Variants in ALKBH5 observed in about 807,000 individuals in gnomAD.
ALKBH5 encodes alkB homolog 5, RNA demethylase.
A neutral mutation model predicts 32.1 loss-of-function variants in ALKBH5; 2 were observed. The ratio of observed to expected loss-of-function variants is 0.06; its 90% CI spans 0.03 to 0.20. ALKBH5 has a LOEUF of 0.20. Ranked by LOEUF, ALKBH5 falls within the 10% of genes least tolerant of loss-of-function variation. The pLI is 1.00. For synonymous variants in ALKBH5, 300 were observed against 231.7 expected (o/e 1.29, Z -2.68); for missense variants, 352 against 559.5 (o/e 0.63, Z 3.74).
chr17:18,204,588 G>A (rs2047259100), intron 2 of ALKBH5, among the ~76,000 whole-genome samples: 1 of 152,118 alleles, frequency 6.6e-6, no homozygotes, highest in African/African-American at 2.4e-5. Flanking sequence ...ATGGTGAAAT[G>A]CTGTCTCTAC....
At chr17:18,194,057 C>G (rs551833042) in intron 1 of ALKBH5, among the ~76,000 whole-genome samples, 3 of 146,526 alleles carry the variant, frequency 2.0e-5, no homozygotes. Flanking sequence ...CATCTACCCA[C>G]ATTAGTTGGT....
chr17:18,185,688 C>G (rs939025976), intron 1 of ALKBH5, among the ~76,000 whole-genome samples: 1 of 152,208 alleles, frequency 6.6e-6, no homozygotes, highest in Non-Finnish European at 1.5e-5. Context: ...TACAGCTGGT[C>G]TCTTGACTGT....
intron 1 of ALKBH5, 124 bp downstream of exon 1, chr17:18,185,137 A>G (rs972671010): frequency 6.8e-7 from 1 of 1,463,778 alleles, no homozygotes; most frequent in African/African-American, 1.4e-5. Flanking sequence ...TTCTGTTTGT[A>G]GATTGTAGGG....
chr17:18,192,530 G>C (rs974046462), intron 1 of ALKBH5, among the ~76,000 whole-genome samples: 5 of 152,164 alleles, frequency 3.3e-5, no homozygotes. Flanking sequence ...AGAACCTACT[G>C]TTCTCCTTAT....
chr17:18,187,868 C>G (rs1175345954), intron 1 of ALKBH5, among the ~76,000 whole-genome samples: 1 of 152,154 alleles, frequency 6.6e-6, no homozygotes, highest in African/African-American at 2.4e-5. Context: ...TAGTAGGCAT[C>G]TTAGACTTCA....
intron 2 of ALKBH5, among the ~76,000 whole-genome samples, chr17:18,201,838 TGA>T (rs2047242560): frequency 9.4e-6 from 1 of 106,292 alleles, no homozygotes; most frequent in African/African-American, 3.3e-5. Context: ...GATAGATAGA[TGA>T]TAGATAGATT....
intron 2 of ALKBH5, among the ~76,000 whole-genome samples, chr17:18,196,381 C>A (rs1382322334): frequency 6.6e-6 from 1 of 152,162 alleles, no homozygotes; most frequent in African/African-American, 2.4e-5. Flanking sequence ...GCCACAACAC[C>A]CAGCTAACTT....
chr17:18,207,792 TGAGATACAAAA>T (rs2047278188), intron 3 of ALKBH5, among the ~76,000 whole-genome samples: 1 of 152,098 alleles, frequency 6.6e-6, no homozygotes, highest in African/African-American at 2.4e-5. Context: ...AGCTAAACCC[TGAGATACAAAA>T]GAGCTTTGTG....
intron 1 of ALKBH5, among the ~76,000 whole-genome samples, chr17:18,185,781 T>G (rs1484250578): frequency 6.6e-6 from 1 of 152,234 alleles, no homozygotes; most frequent in Non-Finnish European, 1.5e-5. Context: ...ATTAGCTCAG[T>G]GCCCTGGCCC....
At chr17:18,201,428 A>C (rs563821208) in intron 2 of ALKBH5, among the ~76,000 whole-genome samples, 1 of 152,330 alleles carries the variant, frequency 6.6e-6, no homozygotes, top group South Asian at 2.1e-4. Context: ...TAAATTGGGC[A>C]GTTGTGGTTA....
At chr17:18,198,592 A>T (rs1464437395) in intron 2 of ALKBH5, among the ~76,000 whole-genome samples, 1 of 152,086 alleles carries the variant, frequency 6.6e-6, no homozygotes, top group African/African-American at 2.4e-5. Flanking sequence ...ATGGTAGAGG[A>T]GTTAGAGCCG....
intron 1 of ALKBH5, among the ~76,000 whole-genome samples, chr17:18,186,602 C>T (rs1042508963): frequency 4.6e-5 from 7 of 152,036 alleles, no homozygotes; most frequent in Admixed American, 2.0e-4. Context: ...ACATGCCCAC[C>T]CTGTATTTTA....
Position 18,184,371 on chromosome 17 carries a change from C to T in ALKBH5, c.128C>T (p.Ala43Val), listed in dbSNP as rs2047123478. The T allele has an allele frequency of 6.6e-7, 1 of 1,517,710 alleles. No homozygotes were observed. Among genetic ancestry groups the T allele is most frequent in the South Asian group, 1.2e-5 (1 of 80,516 alleles). 94.0% of individuals were successfully genotyped at this position (1,517,710 alleles called of 1,614,324 possible). A position where few individuals can be genotyped will look rare whatever the true frequency, so the allele number is the denominator to read the frequency against. The change falls in exon 1 of 4, where the codon GCA (alanine) becomes GTA (valine). Residue 43 changes from alanine to valine, a missense_variant. Coordinates refer to ENST00000399138, the MANE Select transcript of ALKBH5 (RefSeq NM_017758.4). ...AAAAAVAAAA[A>V]AAAAAEPYPV... is the part of the protein sequence containing the mutation. The stretch of plus-strand genomic sequence containing the variant: ...GCAGCCGCCGTAGCCGCCGCAGCCG[C>T]AGCCGCCGCTGCCGCCGAACCTTAC...
In ALKBH5 at chr17:18,184,793, G is replaced by C. The variant is rs2047127248; in HGVS notation, c.550G>C (p.Glu184Gln). ...QKLVEHRVIPEGFVNSAVIND... is the reference protein window; with the variant it reads ...QKLVEHRVIPQGFVNSAVIND... Reference sequence around the variant, plus strand: ...GCTGGTGGAGCACCGCGTCATCCCCGAGGGCTTCGTCAACAGCGCCGTCAT... The same window carrying C: ...GCTGGTGGAGCACCGCGTCATCCCCCAGGGCTTCGTCAACAGCGCCGTCAT... Residue 184 changes from glutamate (E) to glutamine (Q), a missense_variant, in exon 1 of 4, where the codon GAG becomes CAG. Glu to Gln is a conservative substitution (Grantham distance 29, BLOSUM62 2). Transcript: ENST00000399138. 2 of 1,613,948 alleles carry C rather than the reference G, an allele frequency of 1.2e-6. No homozygotes were observed. Among genetic ancestry groups the C allele is most frequent in the African/African-American group, 2.7e-5 (2 of 74,944 alleles).
chr17:18,201,575 T>G (rs1258886529), intron 2 of ALKBH5, among the ~76,000 whole-genome samples: 1 of 152,030 alleles, frequency 6.6e-6, no homozygotes. Flanking sequence ...CTGGGCAACA[T>G]GGTGAAACCC....
chr17:18,185,110 A>G, intron 1 of ALKBH5, 97 bp downstream of exon 1: 1 of 1,516,510 alleles, frequency 6.6e-7, no homozygotes, highest in Non-Finnish European at 8.8e-7. Flanking sequence ...TGCGTTTTTT[A>G]CAGTTCTGAC....
At chr17:18,202,510 G>C (rs2047247856) in intron 2 of ALKBH5, among the ~76,000 whole-genome samples, 1 of 152,118 alleles carries the variant, frequency 6.6e-6, no homozygotes, top group African/African-American at 2.4e-5. Flanking sequence ...TTACTAAATA[G>C]GCAAGAGGGT....
Position 18,184,382 on chromosome 17 carries a change from G to A in ALKBH5, c.139G>A (p.Ala47Thr), listed in dbSNP as rs780246148. The A allele has an allele frequency of 2.4e-5, 36 of 1,521,144 alleles. No individual in the cohort carries two copies. The highest frequency in any genetic ancestry group is 3.0e-5 in the Non-Finnish European group (34 of 1,137,402). 94.2% of individuals were successfully genotyped at this position (1,521,144 alleles called of 1,614,324 possible). Residue 47 changes from alanine to threonine, a missense_variant, in exon 1 of 4, where the codon GCC becomes ACC. Physicochemically the swap from Ala to Thr is moderately conservative, Grantham distance 58. This residue lies in a region of ALKBH5 where 144 missense variants were observed against 125.8 expected (regional missense o/e 1.14). Coordinates refer to ENST00000399138, the MANE Select transcript of ALKBH5 (RefSeq NM_017758.4). The stretch of plus-strand genomic sequence containing the variant: ...AGCCGCCGCAGCCGCAGCCGCCGCT[G>A]CCGCCGAACCTTACCCTGTGTCCGG... ...AVAAAAAAAA[A>T]AEPYPVSGAK...
In ALKBH5 at chr17:18,208,429, C is replaced by T. The variant is rs772798373; in HGVS notation, c.*33C>T. ...CGCCGCCCTCCTGGGAACTCTGGCT[C>T]ATCCTTACGTAGTTGCCCCTCCTTT... On this transcript the variant is annotated 3_prime_UTR_variant, in exon 4 of 4. Coordinates refer to ENST00000399138, the MANE Select transcript of ALKBH5 (RefSeq NM_017758.4). 8.1e-6 allele frequency: 13 copies of T among 1,608,334 alleles called. No individual in the cohort carries two copies. Among genetic ancestry groups the T allele is most frequent in the Non-Finnish European group, 1.1e-5 (13 of 1,178,186 alleles).
Sources: allele counts gnomAD v4.1 joint callset (sites outside exome capture counted in the v4.1 genomes callset), GRCh38; gene constraint gnomAD v4.1.1; regional missense constraint gnomAD v4.1.1; transcripts MANE v1.5; gene names NCBI Gene and HGNC (gene_info 2026-07-23, HGNC 2026-07-21).